TTC3: variants seen among roughly 807,000 people sequenced by gnomAD.
TTC3 encodes the protein E3 ubiquitin-protein ligase TTC3.
A neutral mutation model predicts 249.6 loss-of-function variants in TTC3; 180 were observed. That is an observed-to-expected ratio of 0.72 (90% CI 0.64 to 0.82). TTC3 has a LOEUF of 0.82. Among genes scored for constraint, TTC3 ranks in the 40% least tolerant of loss-of-function variants. The probability of loss-of-function intolerance (pLI) is 0.00; values close to 1 mark genes in which losing one functional copy is unlikely to be tolerated. For missense variants in TTC3, 2,061 were observed against 2,398.4 expected (o/e 0.86, Z 2.94); for synonymous variants, 717 against 805.0 (o/e 0.89, Z 1.85).
intron 23 of TTC3, 49 bp downstream of exon 23, chr21:37,148,696 T>C (rs767408185): frequency 7.8e-7 from 1 of 1,281,220 alleles, no homozygotes; most frequent in South Asian, 1.5e-5. Context: ...TTATTGTATG[T>C]CAATTTTTCC....
At chr21:37,116,805 TAAAAAATA>T (rs1481017370) in intron 11 of TTC3, among the ~76,000 whole-genome samples, 3 of 151,764 alleles carry the variant, frequency 2.0e-5, no homozygotes, top group Non-Finnish European at 4.4e-5. Context: ...AAACTCCATC[TAAAAAATA>T]AAAAAATAAA....
Position 37,168,277 on chromosome 21 carries a change from C to T in TTC3, c.4467+657C>T, listed in dbSNP as rs182634605. Among the ~76,000 whole-genome samples, 119 of 152,064 alleles carry T rather than the reference C, an allele frequency of 7.8e-4. 2 individuals are homozygous for T. Among genetic ancestry groups the T allele is most frequent in the Non-Finnish European group, 1.6e-4 (11 of 67,990 alleles). On this transcript the variant is annotated intron_variant, in intron 34 of 45. Coordinates refer to ENST00000355666, the Ensembl canonical transcript of TTC3. ...ATCACCATTAATATTTATTGTTATC[C>T]TGGGTATATTAACTGAGAAAGCAGA...
chr21:37,123,685 T>A lies in TTC3; in HGVS notation c.1109+657T>A, dbSNP rs555128530. On this transcript the variant is annotated intron_variant, in intron 13 of 45. Coordinates refer to ENST00000355666, the Ensembl canonical transcript of TTC3. ...TTGGCTGTGGAGGCTTTAAATTTAATTTTAGTATCCTAATTTAACTTAACT... is the reference window on the plus strand; with the variant it reads ...TTGGCTGTGGAGGCTTTAAATTTAAATTTAGTATCCTAATTTAACTTAACT... Among the ~76,000 whole-genome samples the A allele has an allele frequency of 3.9e-5, 6 of 152,346 alleles. No homozygotes were observed. The East Asian group carries it at 1.2e-3, about 29-fold the overall frequency.
chr21:37,132,876 T>C, intron 17 of TTC3, 110 bp downstream of exon 17: 1 of 747,244 alleles, frequency 1.3e-6, no homozygotes, highest in Non-Finnish European at 2.0e-6. Flanking sequence ...TATATAATTA[T>C]TGTATTATAT....
intron 33 of TTC3, among the ~76,000 whole-genome samples, chr21:37,167,137 G>C (rs2081319763): frequency 6.6e-6 from 1 of 152,216 alleles, no homozygotes; most frequent in South Asian, 2.1e-4. Flanking sequence ...CACAGGCCCA[G>C]CTTCTCCTGT....
intron 17 of TTC3, among the ~76,000 whole-genome samples, chr21:37,134,831 A>G (rs1037749677): frequency 6.6e-6 from 1 of 152,152 alleles, no homozygotes; most frequent in African/African-American, 2.4e-5. Flanking sequence ...CATTTAACCT[A>G]TTGTTATCTC....
chr21:37,114,299 G>A (rs2075935248), intron 11 of TTC3, among the ~76,000 whole-genome samples: 1 of 151,772 alleles, frequency 6.6e-6, no homozygotes, highest in African/African-American at 2.4e-5. Flanking sequence ...TCTGACAAAG[G>A]GCTAATATCC....
intron 1 of TTC3, among the ~76,000 whole-genome samples, chr21:37,084,871 T>C (rs1289772382): frequency 6.6e-6 from 1 of 152,110 alleles, no homozygotes; most frequent in Non-Finnish European, 1.5e-5. Flanking sequence ...TGGGCACCTG[T>C]AGTCCCAGCT....
intron 17 of TTC3, 112 bp downstream of exon 17, chr21:37,132,878 GTATTA>G: frequency 1.3e-6 from 1 of 743,886 alleles, no homozygotes; most frequent in South Asian, 2.6e-5. Flanking sequence ...TATAATTATT[GTATTA>G]TATTGTAGTT....
intron 11 of TTC3, among the ~76,000 whole-genome samples, chr21:37,113,289 C>G (rs1169404424): frequency 6.6e-6 from 1 of 152,210 alleles, no homozygotes; most frequent in Admixed American, 6.5e-5. Context: ...TCTAGAAAAC[C>G]CCATCGTCTC....
chr21:37,131,809 A>G (rs58889057), intron 16 of TTC3, among the ~76,000 whole-genome samples: 3,165 of 152,224 alleles, frequency 0.021, 101 homozygotes, highest in African/African-American at 0.073. Context: ...AAATGACAAT[A>G]TTTGGTATTG....
At chr21:37,073,341 G>A (rs1181305525) in exon 1 of TTC3, 2 of 825,088 alleles carry the variant, frequency 2.4e-6, no homozygotes, top group Non-Finnish European at 1.5e-6. Flanking sequence ...GCCCGCGTCC[G>A]AGGCTCGCGG....
At chr21:37,168,074 C>T (rs569496183) in intron 34 of TTC3, among the ~76,000 whole-genome samples, 3 of 151,898 alleles carry the variant, frequency 2.0e-5, no homozygotes, top group Non-Finnish European at 2.9e-5. Flanking sequence ...TAATTTAGTT[C>T]GTTAATATGC....
chr21:37,098,970 C>G (rs953960487), intron 10 of TTC3: 3 of 152,122 alleles, frequency 2.0e-5, no homozygotes, highest in Non-Finnish European at 2.9e-5. Context: ...CATCCACCCT[C>G]CCCCAGTTTG....
chr21:37,085,993 G>A (rs2072418040), intron 1 of TTC3: 2 of 152,224 alleles, frequency 1.3e-5, no homozygotes, highest in East Asian at 3.8e-4. Context: ...GTACAGTGGA[G>A]ATAACGATAA....
chr21:37,156,617 T>C (rs2148035173), intron 27 of TTC3, 38 bp from the exon 28 acceptor site: 1 of 1,572,382 alleles, frequency 6.4e-7, no homozygotes, highest in East Asian at 2.2e-5. Context: ...GTAAATAATT[T>C]CCCTCCTCTT....
At chr21:37,126,116 T>C in exon 15 of TTC3, 1 of 1,612,306 alleles carries the variant, frequency 6.2e-7, no homozygotes, top group Non-Finnish European at 8.5e-7. Flanking sequence ...TGATTGTGAC[T>C]GTCATCCTGA....
chr21:37,160,769 G>A, intron 29 of TTC3, 33 bp from the exon 30 acceptor site: 1 of 1,608,444 alleles, frequency 6.2e-7, no homozygotes, highest in Non-Finnish European at 8.5e-7. Flanking sequence ...GCTGTTATTT[G>A]AGTGTTCACT....
chr21:37,157,432 G>A lies in TTC3; in HGVS notation c.2992+526G>A, dbSNP rs922403709. Among the ~76,000 whole-genome samples the A allele has an allele frequency of 2.6e-5, 4 of 152,298 alleles. No homozygotes were observed. In the South Asian group the frequency reaches 8.3e-4, roughly 32 times the overall value. ...GGGTGTTGAGAAGGAATTCAGAAAT[G>A]CTTACACTTGTCTCTGCCCTTGAGG... On this transcript the variant is annotated intron_variant, in intron 28 of 45. Coordinates refer to ENST00000355666, the Ensembl canonical transcript of TTC3.
Sources: gnomAD v4.1 joint callset for allele counts (sites outside exome capture counted in the v4.1 genomes callset) on GRCh38, gnomAD v4.1.1 for gene constraint, MANE v1.5 for transcripts, NCBI Gene and HGNC (gene_info 2026-07-23, HGNC 2026-07-21) for gene names.